GRM5: variants seen among roughly 807,000 people sequenced by gnomAD.
The protein encoded by GRM5 is metabotropic glutamate receptor 5.
GRM5 carries 19 observed loss-of-function variants against 83.1 expected under a neutral mutation model. The observed-to-expected ratio is 0.23, with a 90% confidence interval of 0.16 to 0.34. The LOEUF (loss-of-function observed/expected upper bound fraction) is 0.34. Ranked by LOEUF, GRM5 falls within the 10% of genes least tolerant of loss-of-function variation. GRM5 has a pLI of 1.00. For missense variants in GRM5, 1,160 were observed against 1,588.3 expected (o/e 0.73, Z 4.58); for synonymous variants, 675 against 633.6 (o/e 1.07, Z -0.98).
intron 2 of GRM5, among the ~76,000 whole-genome samples, chr11:88,903,945 T>C (rs1431801396): frequency 1.3e-5 from 2 of 152,176 alleles, no homozygotes; most frequent in African/African-American, 2.4e-5. Flanking sequence ...GTAAAAACTA[T>C]AGATTTCATG....
chr11:88,692,247 A>C (rs1191837625), intron 3 of GRM5, among the ~76,000 whole-genome samples: 1 of 152,162 alleles, frequency 6.6e-6, no homozygotes, highest in Non-Finnish European at 1.5e-5. Flanking sequence ...CTGATCTGTC[A>C]TTCATTGTGG....
rs187570629 is a variant in GRM5 at position 88,979,815 on chromosome 11, G to A, written c.661+67397C>T. The stretch of plus-strand genomic sequence containing the variant: ...TCACTTCCTAATAGGGGCTTGAGCC[G>A]AAATCAATGAGTAACTGAGCAGACA... On this transcript the variant is annotated intron_variant, in intron 2 of 9. Coordinates refer to ENST00000305447, the MANE Select transcript of GRM5 (RefSeq NM_001143831.3). Among the ~76,000 whole-genome samples the A allele has an allele frequency of 6.9e-3, 1,042 of 152,044 alleles. 10 individuals are homozygous for A. The highest frequency in any genetic ancestry group is 0.019 in the East Asian group (96 of 5,172).
rs373407176 is a variant in GRM5, at chr11:88,752,784, G to A, written c.911+97122C>T. ...ACATAAACCAATGGAACAGAAGAGA[G>A]AACTCAGAAATAAGACTGCACACTT... On this transcript the variant is annotated intron_variant, in intron 3 of 9. Transcript: ENST00000305447. 4.6e-5 allele frequency among the ~76,000 whole-genome samples: 7 copies of A among 152,266 alleles called. No homozygotes were observed. The South Asian group carries it at 1.2e-3, about 27-fold the overall frequency.
chr11:88,766,821 C>T (rs1252002068), intron 3 of GRM5, among the ~76,000 whole-genome samples: 2 of 151,964 alleles, frequency 1.3e-5, no homozygotes, highest in African/African-American at 4.8e-5. Context: ...GGTCTAATAT[C>T]CGGTATCTAC....
At chr11:88,833,174 A>T (rs2135522015) in intron 3 of GRM5, among the ~76,000 whole-genome samples, 1 of 152,264 alleles carries the variant, frequency 6.6e-6, no homozygotes, top group African/African-American at 2.4e-5. Flanking sequence ...GAGTGAAGAG[A>T]TAACCTGTTG....
chr11:88,555,842 G>C (rs1290650551), intron 8 of GRM5, among the ~76,000 whole-genome samples: 1 of 152,042 alleles, frequency 6.6e-6, no homozygotes, highest in Non-Finnish European at 1.5e-5. Flanking sequence ...ATTATATGAT[G>C]CATAAAATTT....
At chr11:88,874,541 G>T (rs766917652) in intron 2 of GRM5, among the ~76,000 whole-genome samples, 15 of 151,738 alleles carry the variant, frequency 9.9e-5, no homozygotes, top group Admixed American at 2.6e-4. Context: ...AAAGGTTTTT[G>T]CAATAAAACC....
chr11:88,724,839 G>A (rs1477447041), intron 3 of GRM5, among the ~76,000 whole-genome samples: 1 of 152,058 alleles, frequency 6.6e-6, no homozygotes. Context: ...AGGGAGGCTA[G>A]GGCTGTGCTG....
intron 3 of GRM5, among the ~76,000 whole-genome samples, chr11:88,785,387 G>A (rs943838652): frequency 1.3e-5 from 2 of 152,022 alleles, no homozygotes; most frequent in African/African-American, 2.4e-5. Context: ...AAGAAGAAAG[G>A]CTAGTTTGTA....
At chr11:88,880,861 C>A (rs1465046442) in intron 2 of GRM5, among the ~76,000 whole-genome samples, 1 of 152,110 alleles carries the variant, frequency 6.6e-6, no homozygotes, top group Non-Finnish European at 1.5e-5. Flanking sequence ...ATTTGTGTAA[C>A]TTTACACAAA....
rs1296776155 is a variant in GRM5, at chr11:88,506,959, A to C, written c.*1633T>G. 6.6e-6 allele frequency: 1 copy of C among 152,142 alleles called. No homozygotes were observed. Among genetic ancestry groups the C allele is most frequent in the Non-Finnish European group, 1.5e-5 (1 of 68,034 alleles). The allele number at this position is 152,142 out of a possible 1,614,324, so 9.4% of individuals were successfully genotyped here. A position where few individuals can be genotyped will look rare whatever the true frequency, so the allele number is the denominator to read the frequency against. ...ACATATTTTTCATAAGGCTATCTTA[A>C]GTATAAGGCTGGGTCAACTGAACTT... On this transcript the variant is annotated 3_prime_UTR_variant, in exon 10 of 10. Coordinates refer to ENST00000305447, the MANE Select transcript of GRM5 (RefSeq NM_001143831.3).
chr11:88,796,377 A>T (rs916498350), intron 3 of GRM5, among the ~76,000 whole-genome samples: 3 of 152,206 alleles, frequency 2.0e-5, no homozygotes, highest in Non-Finnish European at 4.4e-5. Flanking sequence ...GGAATAAAAG[A>T]TCCTTAATAA....
At chr11:88,555,549 C>T (rs893123783) in intron 8 of GRM5, among the ~76,000 whole-genome samples, 14 of 152,106 alleles carry the variant, frequency 9.2e-5, no homozygotes, top group Non-Finnish European at 1.8e-4. Context: ...TGTGGTCTCT[C>T]TTTTTTCTCA....
At chr11:88,545,069 C>A (rs1942358237) in intron 8 of GRM5, among the ~76,000 whole-genome samples, 1 of 152,198 alleles carries the variant, frequency 6.6e-6, no homozygotes, top group Non-Finnish European at 1.5e-5. Flanking sequence ...GGTTTCCATA[C>A]CCAATGATGA....
intron 8 of GRM5, among the ~76,000 whole-genome samples, chr11:88,546,224 A>G (rs1014292741): frequency 1.1e-4 from 16 of 151,408 alleles, no homozygotes; most frequent in Admixed American, 4.0e-4. Context: ...TCACTGTAAT[A>G]CCTCATCTTG....
intron 9 of GRM5, among the ~76,000 whole-genome samples, chr11:88,518,744 CT>C (rs1941595425): frequency 6.6e-6 from 1 of 151,732 alleles, no homozygotes. Flanking sequence ...TTAATGTAGA[CT>C]ATTGCTCTTG....
Position 88,597,246 on chromosome 11 carries a change from A to T in GRM5, c.1501T>A (p.Ser501Thr). ...GATCTGATGATGTTGCTTTTCTTGG[A>T]CCATACTTCATCATCATCCATTTTT... Reference protein sequence around the residue: ...ELKMDDDEVWSKKSNIIRSVC... With the variant: ...ELKMDDDEVWTKKSNIIRSVC... Residue 501 changes from serine to threonine, a missense_variant, in exon 6 of 10, where the codon TCC becomes ACC. By Grantham distance (58) the Ser-to-Thr change is moderately conservative (BLOSUM62 1). Coordinates refer to ENST00000305447, the MANE Select transcript of GRM5 (RefSeq NM_001143831.3). 1 of 1,609,352 alleles carries T rather than the reference A, an allele frequency of 6.2e-7. No homozygotes were observed. Among genetic ancestry groups the T allele is most frequent in the East Asian group, 2.2e-5 (1 of 44,782 alleles).
intron 4 of GRM5, among the ~76,000 whole-genome samples, chr11:88,630,431 A>C (rs754789846): frequency 2.0e-5 from 3 of 152,092 alleles, no homozygotes; most frequent in Admixed American, 6.6e-5. Context: ...ATTCCTTAGC[A>C]GAATGTAGAG....
chr11:88,797,839 G>C (rs1241285503), intron 3 of GRM5, among the ~76,000 whole-genome samples: 1 of 143,136 alleles, frequency 7.0e-6, no homozygotes, highest in East Asian at 2.1e-4. Context: ...AAAAAAAAAA[G>C]CATTATGGAT....
Sources: allele counts gnomAD v4.1 joint callset (sites outside exome capture counted in the v4.1 genomes callset), GRCh38; gene constraint gnomAD v4.1.1; transcripts MANE v1.5; gene names NCBI Gene and HGNC (gene_info 2026-07-23, HGNC 2026-07-21).